The following CPE variants were observed in gnomAD, a reference collection of about 807,000 sequenced individuals.
The protein encoded by CPE is carboxypeptidase E, also known as carbocypeptidase E.
In CPE, 17 loss-of-function variants were observed where a neutral mutation model predicts 53.5. The observed-to-expected ratio is 0.32, with a 90% CI of 0.22 to 0.48. The LOEUF (loss-of-function observed/expected upper bound fraction) is 0.48, where lower values mean the gene tolerates loss of function less well. Among genes scored for constraint, CPE ranks in the 20% least tolerant of loss-of-function variants. The pLI is 0.99. For synonymous variants in CPE, 226 were observed against 228.8 expected (o/e 0.99, Z 0.11); for missense variants, 524 against 614.7 (o/e 0.85, Z 1.56).
At chr4:165,445,387 T>A (rs1731694708) in intron 1 of CPE, among the ~76,000 whole-genome samples, 1 of 152,182 alleles carries the variant, frequency 6.6e-6, no homozygotes, top group African/African-American at 2.4e-5. Flanking sequence ...TATTTAATTG[T>A]TTTTTAAAAT....
intron 1 of CPE, chr4:165,404,805 A>G (rs1730926681): frequency 5.2e-6 from 4 of 769,932 alleles, no homozygotes; most frequent in Admixed American, 1.7e-5. Context: ...GTGTCTTTGG[A>G]AGTCTTCTTG....
chr4:165,396,220 A>G (rs1287667800), intron 1 of CPE, among the ~76,000 whole-genome samples: 8 of 152,072 alleles, frequency 5.3e-5, no homozygotes, highest in Admixed American at 5.2e-4. Flanking sequence ...GTCATCTTTA[A>G]CGGGGCTAGG....
In CPE at chr4:165,498,388, C is replaced by T. The variant is rs953498968; in HGVS notation, c.*778C>T. ...GTGGTCTTATGATGAAAACATGTAT[C>T]CTCTTAATGGCGGCTTCTCATATAT... On this transcript the variant is annotated 3_prime_UTR_variant, in exon 9 of 9. Transcript: ENST00000402744. 1.3e-5 allele frequency: 2 copies of T among 152,234 alleles called. No homozygotes were observed. Among genetic ancestry groups the T allele is most frequent in the Admixed American group, 6.5e-5 (1 of 15,280 alleles). 9.4% of individuals were successfully genotyped at this position (152,234 alleles called of 1,614,324 possible). A position where few individuals can be genotyped will look rare whatever the true frequency, so the allele number is the denominator to read the frequency against.
chr4:165,484,326 A>G (rs1359539479), intron 4 of CPE, 96 bp from the exon 5 acceptor site: 2 of 1,130,238 alleles, frequency 1.8e-6, no homozygotes, highest in Non-Finnish European at 2.5e-6. Flanking sequence ...AAATACATCA[A>G]CAATACAATT....
At chr4:165,387,919 G>GC (rs886391881) in intron 1 of CPE, among the ~76,000 whole-genome samples, 3 of 152,090 alleles carry the variant, frequency 2.0e-5, no homozygotes, top group African/African-American at 7.2e-5. Flanking sequence ...ACTGTGCCCA[G>GC]CCCCCCAAAA....
intron 3 of CPE, among the ~76,000 whole-genome samples, chr4:165,479,930 T>A (rs1019244610): frequency 2.7e-5 from 4 of 149,304 alleles, no homozygotes; most frequent in African/African-American, 7.5e-5. Context: ...AGGCGGAGCT[T>A]GCAGTGAACC....
chr4:165,400,554 T>G (rs903302858), intron 1 of CPE, among the ~76,000 whole-genome samples: 1 of 151,936 alleles, frequency 6.6e-6, no homozygotes, highest in African/African-American at 2.4e-5. Flanking sequence ...CAGCACTGGT[T>G]GGAAGTCGCT....
chr4:165,471,433 T>A (rs149267068), intron 3 of CPE, among the ~76,000 whole-genome samples: 5 of 152,178 alleles, frequency 3.3e-5, no homozygotes, highest in Non-Finnish European at 7.3e-5. Flanking sequence ...CTCTCTCCAG[T>A]CCTCATTTTT....
chr4:165,441,627 T>C (rs1262310472), intron 1 of CPE, among the ~76,000 whole-genome samples: 1 of 152,206 alleles, frequency 6.6e-6, no homozygotes, highest in Non-Finnish European at 1.5e-5. Context: ...CCTATTTGGG[T>C]TTTCTTTTTA....
chr4:165,489,687 G>C (rs1732567437), intron 6 of CPE, among the ~76,000 whole-genome samples: 2 of 152,042 alleles, frequency 1.3e-5, no homozygotes, highest in Non-Finnish European at 1.5e-5. Context: ...CTTAGTTCTT[G>C]AGAAAAAAAA....
chr4:165,430,361 A>G (rs372262815), intron 1 of CPE, among the ~76,000 whole-genome samples: 1 of 152,200 alleles, frequency 6.6e-6, no homozygotes, highest in South Asian at 2.1e-4. Context: ...ACAAAATAAC[A>G]TAAAATTTTT....
chr4:165,465,137 C>T (rs1292079082), intron 2 of CPE, among the ~76,000 whole-genome samples: 1 of 151,762 alleles, frequency 6.6e-6, no homozygotes, highest in African/African-American at 2.4e-5. Flanking sequence ...GTTAGATGAA[C>T]TGGAAAGTAA....
chr4:165,404,810 T>G (rs1730926801), intron 1 of CPE: 2 of 770,078 alleles, frequency 2.6e-6, no homozygotes, highest in South Asian at 2.7e-5. Flanking sequence ...TTTGGAAGTC[T>G]TCTTGGTTGT....
intron 1 of CPE, among the ~76,000 whole-genome samples, chr4:165,460,030 C>T (rs754375603): frequency 2.0e-5 from 3 of 152,048 alleles, no homozygotes; most frequent in Non-Finnish European, 2.9e-5. Flanking sequence ...CCCGCTCCCC[C>T]ACCCCGTTGC....
rs571086742 is a variant in CPE, at chr4:165,484,721, T to G, written c.973+117T>G. On this transcript the variant is annotated intron_variant, in intron 5 of 8. Transcript: ENST00000402744. Reference sequence around the variant, plus strand: ...TCAATCGTCCTCCATCATTAAAAAGTAGACTGAATCTATAGTTCTTCCATT... The same window carrying G: ...TCAATCGTCCTCCATCATTAAAAAGGAGACTGAATCTATAGTTCTTCCATT... 5.2e-6 allele frequency: 5 copies of G among 970,374 alleles called. No individual in the cohort carries two copies. In the Admixed American group the frequency reaches 1.1e-4, roughly 21 times the overall value. 60.1% of individuals were successfully genotyped at this position (970,374 alleles called of 1,614,324 possible).
intron 1 of CPE, among the ~76,000 whole-genome samples, chr4:165,387,599 G>A (rs1221805642): frequency 4.6e-5 from 7 of 151,924 alleles, no homozygotes; most frequent in African/African-American, 7.3e-5. Context: ...TCACGAGGTC[G>A]GGAGTTCAAG....
intron 1 of CPE, among the ~76,000 whole-genome samples, chr4:165,416,634 C>G (rs576557429): frequency 6.6e-6 from 1 of 151,914 alleles, no homozygotes; most frequent in Admixed American, 6.6e-5. Flanking sequence ...TCTTCCCCAT[C>G]ATTGCCTGGC....
chr4:165,401,181 C>T (rs1387935242), intron 1 of CPE, among the ~76,000 whole-genome samples: 1 of 152,176 alleles, frequency 6.6e-6, no homozygotes, highest in East Asian at 1.9e-4. Flanking sequence ...GCCTTCTCTT[C>T]TGTACACCCT....
chr4:165,385,875 GACTA>G (rs1443387212), intron 1 of CPE, among the ~76,000 whole-genome samples: 3 of 152,178 alleles, frequency 2.0e-5, no homozygotes, highest in African/African-American at 7.2e-5. Context: ...CTCCAGTCCT[GACTA>G]ACTTAGTCTT....
Sources: gnomAD v4.1 joint callset for allele counts (sites outside exome capture counted in the v4.1 genomes callset) on GRCh38, gnomAD v4.1.1 for gene constraint, MANE v1.5 for transcripts, NCBI Gene and HGNC (gene_info 2026-07-23, HGNC 2026-07-21) for gene names.